The following TDRP variants were observed in gnomAD, a reference collection of about 807,000 sequenced individuals.
The protein encoded by TDRP is testis development related protein.
Under a neutral mutation model 10.5 loss-of-function variants are expected in TDRP, and 12 were observed. The ratio of observed to expected loss-of-function variants is 1.15; its 90% CI spans 0.73 to 1.86. TDRP has a LOEUF of 1.86. Ranked by LOEUF, TDRP falls within the 40% of genes most tolerant of loss-of-function variation. The pLI is 0.00. For missense variants in TDRP, 353 were observed against 229.2 expected, an observed-to-expected ratio of 1.54 and a Z score of -3.49; for synonymous variants, 139 against 95.4, an observed-to-expected ratio of 1.46 and a Z score of -2.67.
intron 1 of TDRP, among the ~76,000 whole-genome samples, chr8:503,857 G>T (rs115595766): frequency 0.013 from 1,814 of 140,462 alleles, 38 homozygotes; most frequent in African/African-American, 0.046. Flanking sequence ...GCCCACCTCT[G>T]CACACACCAA....
chr8:545,036 A>G, upstream of TDRP: 1 of 248,578 alleles, frequency 4.0e-6, no homozygotes. Flanking sequence ...ACCCTTCCGA[A>G]GACCAGACCC....
At chr8:532,301 G>A (rs1210669942) in intron 1 of TDRP, among the ~76,000 whole-genome samples, 1 of 152,196 alleles carries the variant, frequency 6.6e-6, no homozygotes, top group African/African-American at 2.4e-5. Context: ...AGGCTGTGTG[G>A]CAGCCATGCA....
At chr8:534,726 C>A (rs930229254) in intron 1 of TDRP, among the ~76,000 whole-genome samples, 1 of 152,116 alleles carries the variant, frequency 6.6e-6, no homozygotes, top group African/African-American at 2.4e-5. Context: ...AAGTTGTGGA[C>A]GACTTTGAAG....
At chr8:540,948 G>C (rs1435230820) in intron 1 of TDRP, among the ~76,000 whole-genome samples, 2 of 152,126 alleles carry the variant, frequency 1.3e-5, no homozygotes, top group East Asian at 3.9e-4. Flanking sequence ...CTGACTGACA[G>C]ATTTGGAGGG....
chr8:493,959 T>C (rs7003575), intron 2 of TDRP, among the ~76,000 whole-genome samples: 2,023 of 151,786 alleles, frequency 0.013, 32 homozygotes, highest in African/African-American at 0.047. Context: ...ACAGTTTCTT[T>C]TTTTTTCATC....
chr8:542,910 A>AAAGGAGCTTT (rs1410230353), intron 1 of TDRP, among the ~76,000 whole-genome samples: 1 of 152,036 alleles, frequency 6.6e-6, no homozygotes. Context: ...GAAAATCAGA[A>AAAGGAGCTTT]AAGGAGCTTT....
chr8:493,514 C>A (rs1222113670), intron 2 of TDRP, among the ~76,000 whole-genome samples: 1 of 152,266 alleles, frequency 6.6e-6, no homozygotes, highest in South Asian at 2.1e-4. Context: ...CCACAGTCCT[C>A]AAACAAAAGC....
Position 544,823 on chromosome 8 carries a change from G to C in TDRP, c.-66C>G. 1 of 1,141,168 alleles carries C rather than the reference G, an allele frequency of 8.8e-7. No individual in the cohort carries two copies. Among genetic ancestry groups the C allele is most frequent in the South Asian group, 4.4e-5 (1 of 22,624 alleles). 70.7% of individuals were successfully genotyped at this position (1,141,168 alleles called of 1,614,324 possible). On this transcript the variant is annotated 5_prime_UTR_variant, in exon 1 of 3. Coordinates refer to ENST00000324079, the MANE Select transcript of TDRP (RefSeq NM_001384899.1). ...CTGTGGCTCCGCGTCCCTCCCGGCC[G>C]CCGGACGCTCTGCCTGCGGCTCCTG...
intron 1 of TDRP, among the ~76,000 whole-genome samples, chr8:517,863 G>A (rs1360131671): frequency 6.6e-6 from 1 of 152,168 alleles, no homozygotes; most frequent in African/African-American, 2.4e-5. Flanking sequence ...ATCTGAAAAG[G>A]CTACACACTG....
intron 1 of TDRP, among the ~76,000 whole-genome samples, chr8:539,000 G>A (rs1389162111): frequency 6.6e-6 from 1 of 152,158 alleles, no homozygotes; most frequent in Non-Finnish European, 1.5e-5. Flanking sequence ...CTAGACTTGT[G>A]AAATAACTAT....
chr8:542,248 G>A (rs938891956), intron 1 of TDRP, among the ~76,000 whole-genome samples: 1 of 152,162 alleles, frequency 6.6e-6, no homozygotes, highest in Non-Finnish European at 1.5e-5. Context: ...AGGGGTTCCG[G>A]GGAGGGAGGG....
intron 1 of TDRP, among the ~76,000 whole-genome samples, chr8:528,132 T>C (rs922533213): frequency 2.0e-5 from 3 of 152,126 alleles, no homozygotes; most frequent in Non-Finnish European, 4.4e-5. Flanking sequence ...AGAAGACATA[T>C]AATTGGTAAA....
At chr8:507,768 G>A (rs1217851925) in intron 1 of TDRP, among the ~76,000 whole-genome samples, 2 of 152,186 alleles carry the variant, frequency 1.3e-5, no homozygotes, top group Admixed American at 6.5e-5. Flanking sequence ...ACCCAGAGTG[G>A]CTACAATGTA....
At chr8:516,716 C>G (rs755933080) in intron 1 of TDRP, among the ~76,000 whole-genome samples, 3 of 152,164 alleles carry the variant, frequency 2.0e-5, no homozygotes, top group African/African-American at 4.8e-5. Flanking sequence ...ACTAAACACT[C>G]TCACCATGCA....
intron 1 of TDRP, among the ~76,000 whole-genome samples, chr8:536,104 C>T (rs1027340163): frequency 2.2e-4 from 33 of 152,226 alleles, no homozygotes; most frequent in African/African-American, 7.5e-4. Flanking sequence ...CTATTATTAA[C>T]ATTTACAGGT....
chr8:525,603 A>G (rs560845121), intron 1 of TDRP, among the ~76,000 whole-genome samples: 34 of 152,246 alleles, frequency 2.2e-4, no homozygotes, highest in African/African-American at 6.5e-4. Flanking sequence ...TTTTAATGCA[A>G]TAAGTGTTAA....
chr8:528,053 C>T (rs968565912), intron 1 of TDRP, among the ~76,000 whole-genome samples: 4 of 152,072 alleles, frequency 2.6e-5, no homozygotes, highest in African/African-American at 9.7e-5. Context: ...TGCTCAAACA[C>T]ATCTATAGGA....
At chr8:493,090 G>A (rs752863266) in intron 2 of TDRP, among the ~76,000 whole-genome samples, 2 of 152,182 alleles carry the variant, frequency 1.3e-5, no homozygotes, top group Non-Finnish European at 1.5e-5. Context: ...CCAGGGTCTA[G>A]ATTAAGAAAC....
At chr8:538,685 T>G (rs1802413277) in intron 1 of TDRP, among the ~76,000 whole-genome samples, 1 of 152,220 alleles carries the variant, frequency 6.6e-6, no homozygotes, top group Admixed American at 6.5e-5. Flanking sequence ...TGACTACAGT[T>G]CCATACATTC....
Sources: allele counts gnomAD v4.1 joint callset (sites outside exome capture counted in the v4.1 genomes callset), GRCh38; gene constraint gnomAD v4.1.1; transcripts MANE v1.5; gene names NCBI Gene and HGNC (gene_info 2026-07-23, HGNC 2026-07-21).